Variants in PCSK5 observed in about 807,000 individuals in gnomAD.
PCSK5 encodes the protein proprotein convertase subtilisin/kexin type 5.
PCSK5 carries 129 observed loss-of-function variants against 233.2 expected under a neutral mutation model. That is an observed-to-expected ratio of 0.55 (90% CI 0.48 to 0.64). PCSK5 has a LOEUF of 0.64. Among genes scored for constraint, PCSK5 ranks in the 30% least tolerant of loss-of-function variants. The pLI, the probability that PCSK5 is intolerant of heterozygous loss-of-function variation, is 0.00. For missense variants in PCSK5, 2,076 were observed against 2,430.1 expected (o/e 0.85, Z 3.06); for synonymous variants, 825 against 879.2 (o/e 0.94, Z 1.09).
At chr9:76,212,699 A>G (rs1347891210) in intron 20 of PCSK5, among the ~76,000 whole-genome samples, 2 of 152,242 alleles carry the variant, frequency 1.3e-5, no homozygotes, top group Non-Finnish European at 2.9e-5. Context: ...ATCATTTATC[A>G]GTCATAATGA....
chr9:76,205,897 AGTTT>A (rs1290890758), intron 20 of PCSK5, among the ~76,000 whole-genome samples: 1 of 152,096 alleles, frequency 6.6e-6, no homozygotes, highest in East Asian at 1.9e-4. Context: ...CCGGATGGCA[AGTTT>A]GGAAATATGC....
intron 3 of PCSK5, among the ~76,000 whole-genome samples, chr9:76,001,219 A>G (rs1274864683): frequency 1.3e-5 from 2 of 152,154 alleles, no homozygotes; most frequent in Non-Finnish European, 2.9e-5. Flanking sequence ...CAGAACTACC[A>G]TCAGCACTGT....
At chr9:76,229,422 T>TG (rs1247882399) in intron 21 of PCSK5, among the ~76,000 whole-genome samples, 1 of 152,244 alleles carries the variant, frequency 6.6e-6, no homozygotes, top group African/African-American at 2.4e-5. Context: ...TCTTTGCCAC[T>TG]GTATTTAACA....
chr9:76,142,172 T>C (rs1446306623), intron 10 of PCSK5, among the ~76,000 whole-genome samples: 1 of 151,698 alleles, frequency 6.6e-6, no homozygotes, highest in African/African-American at 2.4e-5. Context: ...TAAAAGTATA[T>C]CAGGCATTCA....
At chr9:76,036,976 C>T (rs886379506) in intron 5 of PCSK5, among the ~76,000 whole-genome samples, 1 of 152,184 alleles carries the variant, frequency 6.6e-6, no homozygotes, top group Non-Finnish European at 1.5e-5. Context: ...CCCTGTTTCT[C>T]CAGAGAGAAG....
At chr9:76,353,865 T>C (rs1379935812) in intron 36 of PCSK5, among the ~76,000 whole-genome samples, 168 bp from the exon 37 acceptor site, 2 of 152,196 alleles carry the variant, frequency 1.3e-5, no homozygotes. Flanking sequence ...TCACAGACAG[T>C]TGGTTCTTTC....
chr9:76,028,400 G>T (rs1301822198), intron 5 of PCSK5, among the ~76,000 whole-genome samples: 2 of 152,170 alleles, frequency 1.3e-5, no homozygotes, highest in African/African-American at 4.8e-5. Flanking sequence ...CAGACATATG[G>T]AGATCAGAGT....
chr9:76,184,387 GAAAA>G (rs11397439), intron 16 of PCSK5, among the ~76,000 whole-genome samples: 1 of 149,360 alleles, frequency 6.7e-6, no homozygotes, highest in Non-Finnish European at 1.5e-5. Flanking sequence ...GGAAGAAGAA[GAAAA>G]AAAAAAGACC....
rs762747322 is a variant in PCSK5, at chr9:76,169,808, C to T, written c.1724C>T (p.Thr575Ile). 1.5e-5 allele frequency: 24 copies of T among 1,613,542 alleles called. No homozygotes were observed. Among genetic ancestry groups the T allele is most frequent in the Non-Finnish European group, 1.9e-5 (23 of 1,179,566 alleles). ...GACTGGGTCCTTGAAGTTTATGATA[C>T]TCCCTCTCAGCTAAGGAACTTTAAG... The part of the protein sequence containing the change: ...AGDWVLEVYD[T>I]PSQLRNFKTP... The change falls in exon 13 of 38, where the codon ACT becomes ATT. Residue 575 changes from threonine to isoleucine, a missense_variant. Physicochemically the swap from Thr to Ile is moderately conservative, Grantham distance 89 (BLOSUM62 -1). Coordinates refer to ENST00000674117, the MANE Select transcript of PCSK5 (RefSeq NM_001372043.1).
intron 5 of PCSK5, among the ~76,000 whole-genome samples, chr9:76,064,275 CTAAG>C (rs1830173029): frequency 1.1e-5 from 1 of 94,228 alleles, no homozygotes; most frequent in Non-Finnish European, 2.0e-5. Flanking sequence ...GCTGGCCGGG[CTAAG>C]GGGCTCCTCA....
chr9:76,137,884 TC>T (rs35787009), intron 10 of PCSK5, among the ~76,000 whole-genome samples: 47,262 of 151,880 alleles, frequency 0.31, 8,154 homozygotes, highest in East Asian at 0.64. Context: ...ATTTCTTTCC[TC>T]CCCTTGATCC....
At chr9:76,199,401 C>T (rs941573941) in intron 20 of PCSK5, among the ~76,000 whole-genome samples, 2 of 152,144 alleles carry the variant, frequency 1.3e-5, no homozygotes, top group African/African-American at 4.8e-5. Context: ...ACCAAAACGT[C>T]ATTATATGGT....
chr9:75,989,993 C>A (rs1826696830), intron 3 of PCSK5, among the ~76,000 whole-genome samples: 1 of 152,036 alleles, frequency 6.6e-6, no homozygotes, highest in Non-Finnish European at 1.5e-5. Context: ...ACCAGAAAAC[C>A]CTCAGTCAAT....
chr9:76,198,799 T>C (rs1824798450), intron 20 of PCSK5, among the ~76,000 whole-genome samples: 1 of 152,176 alleles, frequency 6.6e-6, no homozygotes, highest in African/African-American at 2.4e-5. Context: ...CACTTAGACA[T>C]AAAACACATG....
intron 8 of PCSK5, among the ~76,000 whole-genome samples, chr9:76,096,683 C>A (rs1831529989): frequency 6.6e-6 from 1 of 151,118 alleles, no homozygotes; most frequent in Non-Finnish European, 1.5e-5. Context: ...CTCACTGCAA[C>A]CTCCACCTTG....
chr9:76,292,606 G>T (rs147995975), intron 25 of PCSK5, among the ~76,000 whole-genome samples: 9 of 152,172 alleles, frequency 5.9e-5, no homozygotes, highest in Admixed American at 6.6e-5. Context: ...GTTTGCAAAC[G>T]TCTGCATGGA....
In PCSK5 at chr9:76,350,834, G is replaced by C; in HGVS notation, c.4973G>C (p.Gly1658Ala). The change falls in exon 36 of 38, where the codon GGA becomes GCA. Residue 1658 changes from glycine (G) to alanine (A), a missense_variant. Physicochemically the swap from Gly to Ala is moderately conservative, Grantham distance 60 (BLOSUM62 0). Coordinates refer to ENST00000674117, the MANE Select transcript of PCSK5 (RefSeq NM_001372043.1). ...HPTCDQCKGKGALNCLSCVWS... is the reference protein window; with the variant it reads ...HPTCDQCKGKAALNCLSCVWS... ...AGAATGTTTTCTCTTTCAGGAAAAG[G>C]AGCGTTGAATTGTTTATCCTGTGTG... 1 of 1,585,054 alleles carries C rather than the reference G, an allele frequency of 6.3e-7. No homozygotes were observed. The highest frequency in any genetic ancestry group is 8.7e-7 in the Non-Finnish European group (1 of 1,155,632).
At chr9:76,177,042 C>A (rs1823644821) in intron 14 of PCSK5, among the ~76,000 whole-genome samples, 1 of 152,186 alleles carries the variant, frequency 6.6e-6, no homozygotes, top group Non-Finnish European at 1.5e-5. Context: ...GTAATCCCAG[C>A]ACTTTGGGAG....
chr9:76,137,118 A>G (rs61212674), intron 10 of PCSK5, among the ~76,000 whole-genome samples: 3,844 of 152,160 alleles, frequency 0.025, 162 homozygotes, highest in African/African-American at 0.087. Context: ...TGTGTTATGG[A>G]CTGGAACAGG....
Sources: gnomAD v4.1 joint callset for allele counts (sites outside exome capture counted in the v4.1 genomes callset) on GRCh38, gnomAD v4.1.1 for gene constraint, MANE v1.5 for transcripts, NCBI Gene and HGNC (gene_info 2026-07-23, HGNC 2026-07-21) for gene names.